The following LRRC7 variants were observed in gnomAD, a reference collection of about 807,000 sequenced individuals.
LRRC7 encodes leucine rich repeat containing 7.
Under a neutral mutation model 175.7 loss-of-function variants are expected in LRRC7, and 23 were observed. The observed-to-expected ratio is 0.13, with a 90% CI of 0.09 to 0.19. The LOEUF is 0.19. LRRC7 is among the 10% of genes least tolerant of loss of function. LRRC7 has a pLI of 1.00. For synonymous variants in LRRC7, 685 were observed against 680.9 expected, an observed-to-expected ratio of 1.01 and a Z score of -0.09; for missense variants, 1,354 against 1,904.7, an observed-to-expected ratio of 0.71 and a Z score of 5.38.
chr1:69,691,633 A>G (rs923793692), intron 2 of LRRC7, among the ~76,000 whole-genome samples: 3 of 151,948 alleles, frequency 2.0e-5, no homozygotes, highest in Admixed American at 6.6e-5. Flanking sequence ...CTCTGTCTCT[A>G]CAAAAAGAAC....
rs368980224 is a variant in LRRC7, at chr1:69,766,916, C to A, written c.303+6523C>A. On this transcript the variant is annotated intron_variant, in intron 3 of 26. Transcript: ENST00000651989. ...TGTCGAGATGCAATTTACATTCCAT[C>A]AAATTCAGTTTTACAAATTCAGTTG... Among the ~76,000 whole-genome samples the A allele has an allele frequency of 2.8e-4, 43 of 152,228 alleles. 1 individual carries two copies. The East Asian group carries it at 7.2e-3, about 25-fold the overall frequency.
intron 7 of LRRC7, among the ~76,000 whole-genome samples, chr1:69,894,426 G>A (rs1023302806): frequency 6.6e-6 from 1 of 152,100 alleles, no homozygotes; most frequent in African/African-American, 2.4e-5. Context: ...TGATTTTGTT[G>A]GAGGTTTGAA....
intron 2 of LRRC7, among the ~76,000 whole-genome samples, chr1:69,743,663 A>G (rs1024780269): frequency 6.6e-6 from 1 of 152,008 alleles, no homozygotes; most frequent in African/African-American, 2.4e-5. Flanking sequence ...GGTTTAGTGT[A>G]GGAGATAGAA....
At chr1:69,807,318 G>A (rs1677242826) in intron 4 of LRRC7, among the ~76,000 whole-genome samples, 1 of 151,990 alleles carries the variant, frequency 6.6e-6, no homozygotes, top group African/African-American at 2.4e-5. Flanking sequence ...ATTGTTATGT[G>A]TGTATTTGGT....
At chr1:69,730,459 A>G (rs1175671955) in intron 2 of LRRC7, among the ~76,000 whole-genome samples, 1 of 152,118 alleles carries the variant, frequency 6.6e-6, no homozygotes, top group African/African-American at 2.4e-5. Context: ...AAGGGCAGGG[A>G]CAAAATGCCA....
At chr1:69,742,301 G>A (rs753828834) in intron 2 of LRRC7, among the ~76,000 whole-genome samples, 4 of 151,942 alleles carry the variant, frequency 2.6e-5, no homozygotes, top group Non-Finnish European at 5.9e-5. Context: ...GGGTTAGAAT[G>A]AGGATTTCTT....
chr1:69,657,962 A>T (rs1429641171), intron 1 of LRRC7, among the ~76,000 whole-genome samples: 1 of 151,860 alleles, frequency 6.6e-6, no homozygotes, highest in African/African-American at 2.4e-5. Context: ...TATTTTATTG[A>T]TTCTTTCCAA....
intron 7 of LRRC7, chr1:69,919,215 C>A (rs564950734): frequency 5.6e-4 from 185 of 329,608 alleles, no homozygotes; most frequent in African/African-American, 3.8e-3. Flanking sequence ...CTCTGCAGTC[C>A]ATAGGGTGTC....
intron 7 of LRRC7, among the ~76,000 whole-genome samples, chr1:69,926,380 G>A (rs1375535802): frequency 6.8e-5 from 9 of 132,328 alleles, no homozygotes; most frequent in East Asian, 2.2e-4. Flanking sequence ...TTTCTGTCTC[G>A]TTGTCGGGTC....
intron 4 of LRRC7, among the ~76,000 whole-genome samples, chr1:69,798,303 C>A (rs1553157657): frequency 6.6e-6 from 1 of 152,046 alleles, no homozygotes; most frequent in Non-Finnish European, 1.5e-5. Context: ...TACATTATTT[C>A]CTCTTTCCTC....
chr1:69,673,500 C>A (rs1387950198), intron 1 of LRRC7, among the ~76,000 whole-genome samples: 1 of 152,168 alleles, frequency 6.6e-6, no homozygotes, highest in Non-Finnish European at 1.5e-5. Context: ...GGTGGCTTGC[C>A]AAGCTTGAGA....
chr1:69,992,549 A>G (rs1654539695), intron 10 of LRRC7, among the ~76,000 whole-genome samples: 1 of 152,194 alleles, frequency 6.6e-6, no homozygotes, highest in Admixed American at 6.5e-5. Context: ...CTTGCAGCCT[A>G]ATTTCATCCC....
chr1:70,023,458 T>A, intron 17 of LRRC7, 84 bp downstream of exon 17: 1 of 1,320,078 alleles, frequency 7.6e-7, no homozygotes, highest in Non-Finnish European at 1.0e-6. Context: ...TTCTGCATGA[T>A]TTGGGGTAAG....
intron 11 of LRRC7, among the ~76,000 whole-genome samples, chr1:70,005,574 C>T (rs76395047): frequency 6.6e-6 from 1 of 152,184 alleles, no homozygotes; most frequent in Non-Finnish European, 1.5e-5. Flanking sequence ...CAGCTGATTT[C>T]AAACATTATT....
intron 1 of LRRC7, among the ~76,000 whole-genome samples, chr1:69,654,898 G>A (rs1296048162): frequency 6.6e-6 from 1 of 152,040 alleles, no homozygotes; most frequent in Non-Finnish European, 1.5e-5. Context: ...TATACATTTT[G>A]ATAAATTATC....
chr1:69,971,479 C>T (rs566816998), intron 8 of LRRC7, among the ~76,000 whole-genome samples: 8 of 152,202 alleles, frequency 5.3e-5, no homozygotes, highest in East Asian at 1.9e-4. Flanking sequence ...ACACCCACAG[C>T]GACCAAGCGG....
At chr1:69,992,003 A>C (rs1348688975) in intron 10 of LRRC7, among the ~76,000 whole-genome samples, 1 of 152,128 alleles carries the variant, frequency 6.6e-6, no homozygotes, top group African/African-American at 2.4e-5. Flanking sequence ...TTACTCACTT[A>C]AAGGTTAAGG....
intron 11 of LRRC7, among the ~76,000 whole-genome samples, chr1:69,997,433 C>T (rs1331437754): frequency 6.7e-6 from 1 of 149,898 alleles, no homozygotes; most frequent in African/African-American, 2.4e-5. Context: ...ACTTCCAACA[C>T]TATGTTGAAT....
chr1:69,843,588 G>A (rs1324870505), intron 7 of LRRC7, among the ~76,000 whole-genome samples: 1 of 152,010 alleles, frequency 6.6e-6, no homozygotes, highest in Non-Finnish European at 1.5e-5. Context: ...CTTTTATTAA[G>A]TGATTTTGCC....
Sources: gnomAD v4.1 joint callset for allele counts (sites outside exome capture counted in the v4.1 genomes callset) on GRCh38, gnomAD v4.1.1 for gene constraint, MANE v1.5 for transcripts, NCBI Gene and HGNC (gene_info 2026-07-23, HGNC 2026-07-21) for gene names.